The following CLEC2A variants were observed in gnomAD, a reference collection of about 807,000 sequenced individuals.
CLEC2A encodes the protein C-type lectin domain family 2 member A.
A neutral mutation model predicts 18.6 loss-of-function variants in CLEC2A; 19 were observed. The observed-to-expected ratio is 1.02, with a 90% CI of 0.71 to 1.50. The LOEUF is 1.50. Among genes scored for constraint, CLEC2A ranks in the 40% most tolerant of loss-of-function variants. The pLI is 0.00. For missense variants in CLEC2A, 190 were observed against 207.9 expected (o/e 0.91, Z 0.53); for synonymous variants, 74 against 64.0 (o/e 1.16, Z -0.75).
At chr12:9,920,366 C>G (rs919662713) in intron 3 of CLEC2A, among the ~76,000 whole-genome samples, 9 of 152,154 alleles carry the variant, frequency 5.9e-5, no homozygotes, top group African/African-American at 2.2e-4. Flanking sequence ...CCACTTAGCT[C>G]TGTGTGTCAG....
downstream of CLEC2A, among the ~76,000 whole-genome samples, chr12:9,909,495 A>G (rs999231619): frequency 1.3e-5 from 2 of 152,144 alleles, no homozygotes; most frequent in Non-Finnish European, 2.9e-5. Flanking sequence ...CTAGAAATTG[A>G]TCACCGACCT....
At chr12:9,898,879 C>T (rs976925941) in exon 5 of CLEC2A, 7 of 710,690 alleles carry the variant, frequency 9.8e-6, no homozygotes, top group Middle Eastern at 2.3e-4. Context: ...TTTGGGGAAA[C>T]GGCAGTCAGA....
chr12:9,931,978 G>C (rs1863382258), intron 1 of CLEC2A, among the ~76,000 whole-genome samples: 1 of 152,166 alleles, frequency 6.6e-6, no homozygotes, highest in South Asian at 2.1e-4. Flanking sequence ...CTGTATAAAA[G>C]TGTTAAGCAA....
At chr12:9,911,738 A>G (rs1367448116), downstream of CLEC2A, among the ~76,000 whole-genome samples, 1 of 152,190 alleles carries the variant, frequency 6.6e-6, no homozygotes, top group Non-Finnish European at 1.5e-5. Context: ...TGTAAACATC[A>G]CACACAGTAT....
chr12:9,895,715 A>T (rs1194398849), downstream of CLEC2A: 11 of 1,534,790 alleles, frequency 7.2e-6, no homozygotes, highest in Non-Finnish European at 9.6e-6. Flanking sequence ...CCAACTGATG[A>T]CAGGAGCTGT....
At chr12:9,898,676 G>T (rs777785448) in exon 5 of CLEC2A, 1 of 458,168 alleles carries the variant, frequency 2.2e-6, no homozygotes, top group Non-Finnish European at 3.9e-6. Context: ...ACTCCTTCAA[G>T]AAGTTTTCTG....
chr12:9,930,280 C>T (rs1339810076), intron 1 of CLEC2A, among the ~76,000 whole-genome samples: 2 of 152,134 alleles, frequency 1.3e-5, no homozygotes, highest in Non-Finnish European at 2.9e-5. Flanking sequence ...AAGACACTAT[C>T]TCCAAACCAG....
intron 4 of CLEC2A, among the ~76,000 whole-genome samples, chr12:9,905,695 G>C (rs1862897438): frequency 6.6e-6 from 1 of 152,108 alleles, no homozygotes; most frequent in Non-Finnish European, 1.5e-5. Context: ...GGGTGCCAGG[G>C]GGTATGGTAT....
chr12:9,884,162 G>C, the CLEC2A span, among the ~76,000 whole-genome samples: 1 of 152,048 alleles, frequency 6.6e-6, no homozygotes, highest in Admixed American at 6.6e-5. Flanking sequence ...GAAAAAAGTA[G>C]ATAAAATTGA....
chr12:9,880,520 A>ATG, the CLEC2A span, among the ~76,000 whole-genome samples: 4,514 of 147,218 alleles, frequency 0.031, 177 homozygotes, highest in African/African-American at 0.089. Context: ...AACCATTAGC[A>ATG]TGTGTGTGTG....
intron 4 of CLEC2A, chr12:9,899,120 T>TAAA (rs34475829): frequency 3.1e-5 from 14 of 453,844 alleles, no homozygotes; most frequent in African/African-American, 1.4e-4. Flanking sequence ...GCCCTACTAG[T>TAAA]AAAAAAAAAA....
chr12:9,881,308 C>T, the CLEC2A span, among the ~76,000 whole-genome samples: 1 of 152,154 alleles, frequency 6.6e-6, no homozygotes, highest in South Asian at 2.1e-4. Context: ...ACACAAGTGG[C>T]AGGAACACAC....
downstream of CLEC2A, among the ~76,000 whole-genome samples, chr12:9,911,640 A>G (rs1862988032): frequency 6.6e-6 from 1 of 152,230 alleles, no homozygotes; most frequent in African/African-American, 2.4e-5. Context: ...AGTCATGTGA[A>G]CTGAAAGTAC....
At chr12:9,922,882 G>A (rs1310528597) in intron 2 of CLEC2A, among the ~76,000 whole-genome samples, 2 of 151,948 alleles carry the variant, frequency 1.3e-5, no homozygotes, top group Non-Finnish European at 1.5e-5. Flanking sequence ...TCAAATGTAG[G>A]GCAAACTCCA....
chr12:9,928,614 T>C (rs1428351379), intron 1 of CLEC2A, among the ~76,000 whole-genome samples: 1 of 152,150 alleles, frequency 6.6e-6, no homozygotes, highest in Non-Finnish European at 1.5e-5. Context: ...CAAAAAAGAC[T>C]GGTATCGAAA....
Position 9,932,280 on chromosome 12 carries a change from C to A in CLEC2A, c.50G>T (p.Arg17Leu), listed in dbSNP as rs765956076. 4.5e-6 allele frequency: 7 copies of A among 1,550,014 alleles called. No individual in the cohort carries two copies. The South Asian group carries it at 8.3e-5, about 18-fold the overall frequency. Residue 17 changes from arginine (R) to leucine (L), a missense_variant, in exon 1 of 5, where the codon CGG (arginine) becomes CTG (leucine). Physicochemically the swap from Arg to Leu is moderately radical, Grantham distance 102. Transcript: ENST00000455827. ...ATTCACTCTATAAAACTTACCTATC[C>A]GATGTATGAAGCCATCAGCTCTGCC... The part of the protein sequence containing the change: ...RDGRADGFIH[R>L]IVPKLIQNWK...
the CLEC2A span, chr12:9,885,068 A>G: frequency 1.2e-5 from 10 of 803,710 alleles, no homozygotes; most frequent in Non-Finnish European, 1.5e-5. Flanking sequence ...GAACATTTTC[A>G]GAAGATAAAT....
At chr12:9,921,174 A>G (rs1439748971) in intron 3 of CLEC2A, among the ~76,000 whole-genome samples, 1 of 152,228 alleles carries the variant, frequency 6.6e-6, no homozygotes, top group Non-Finnish European at 1.5e-5. Context: ...GAGATTATAT[A>G]GTTTCAGTGC....
Position 9,903,178 on chromosome 12 carries a change from G to GT in CLEC2A, c.411-4203dup, listed in dbSNP as rs540104900. ...ATAATCTCTGGCAATTTCCCTCTTT[G>GT]TTTTTTTTTTTAATAATTCCTCCTC... On this transcript the variant is annotated intron_variant, in intron 4 of 4. Transcript: ENST00000339766. Among the ~76,000 whole-genome samples the GT allele has an allele frequency of 3.6e-3, 526 of 145,150 alleles. 2 individuals are homozygous for GT. Among genetic ancestry groups the GT allele is most frequent in the African/African-American group, 9.9e-3 (391 of 39,674 alleles).
Sources: gnomAD v4.1 joint callset for allele counts (sites outside exome capture counted in the v4.1 genomes callset) on GRCh38, gnomAD v4.1.1 for gene constraint, MANE v1.5 for transcripts, NCBI Gene and HGNC (gene_info 2026-07-23, HGNC 2026-07-21) for gene names.